The following LRRC37A2 variants were observed in gnomAD, a reference collection of about 807,000 sequenced individuals.
LRRC37A2 encodes leucine rich repeat containing 37 member A2.
LRRC37A2 carries 9 observed loss-of-function variants against 68.8 expected under a neutral mutation model. The ratio of observed to expected loss-of-function variants is 0.13; its 90% CI spans 0.08 to 0.23. The LOEUF (loss-of-function observed/expected upper bound fraction) is 0.23. Among genes scored for constraint, LRRC37A2 ranks in the 10% least tolerant of loss-of-function variants. The pLI, the probability that LRRC37A2 is intolerant of heterozygous loss-of-function variation, is 1.00. For synonymous variants in LRRC37A2, 63 were observed against 367.6 expected, an observed-to-expected ratio of 0.17 and a Z score of 9.48; for missense variants, 168 against 950.4, an observed-to-expected ratio of 0.18 and a Z score of 10.82.
the LRRC37A2 span, chr17:46,978,251 C>A: frequency 4.2e-6 from 1 of 239,816 alleles, no homozygotes; most frequent in Non-Finnish European, 7.9e-6. Flanking sequence ...TCTGACGCTT[C>A]ACATCTTCAC....
the LRRC37A2 span, among the ~76,000 whole-genome samples, chr17:46,720,334 G>T: frequency 6.6e-6 from 1 of 152,168 alleles, no homozygotes. Context: ...CTTTGGCGTA[G>T]AAAGGAGGCT....
chr17:46,810,076 G>A, the LRRC37A2 span, among the ~76,000 whole-genome samples: 13 of 146,132 alleles, frequency 8.9e-5, no homozygotes, highest in African/African-American at 3.1e-4. Context: ...GTGCAATCTC[G>A]GCTCACTGCA....
At chr17:46,850,773 C>G in the LRRC37A2 span, among the ~76,000 whole-genome samples, 8 of 152,324 alleles carry the variant, frequency 5.3e-5, no homozygotes, top group East Asian at 1.5e-3. Flanking sequence ...TGGGGCCCAA[C>G]ACTTGAAGTT....
At chr17:46,968,893 C>T in the LRRC37A2 span, 1 of 152,294 alleles carries the variant, frequency 6.6e-6, no homozygotes. Flanking sequence ...TGGGGTGCAA[C>T]CCCAAAAGCA....
At chr17:47,029,381 T>C in the LRRC37A2 span, among the ~76,000 whole-genome samples, 5 of 152,340 alleles carry the variant, frequency 3.3e-5, no homozygotes, top group South Asian at 2.1e-4. Context: ...TATGATTTCT[T>C]TGTATAACAT....
chr17:47,020,781 C>CAAAAAAAAAAAAGAAAAA, the LRRC37A2 span, among the ~76,000 whole-genome samples: 1 of 20,118 alleles, frequency 5.0e-5, no homozygotes, highest in Non-Finnish European at 7.9e-5. Flanking sequence ...GACTCCATCT[C>CAAAAAAAAAAAAGAAAAA]AAAAAAAAAA....
At chr17:46,974,583 A>T in the LRRC37A2 span, among the ~76,000 whole-genome samples, 1 of 152,026 alleles carries the variant, frequency 6.6e-6, no homozygotes, top group Non-Finnish European at 1.5e-5. Context: ...AAATACAAAA[A>T]ATTAGCTGGG....
the LRRC37A2 span, among the ~76,000 whole-genome samples, chr17:46,974,590 T>C: frequency 1.3e-5 from 2 of 151,910 alleles, no homozygotes; most frequent in African/African-American, 2.4e-5. Flanking sequence ...AAAAATTAGC[T>C]GGGCGTGGTG....
At chr17:46,863,497 A>G in the LRRC37A2 span, among the ~76,000 whole-genome samples, 1 of 152,194 alleles carries the variant, frequency 6.6e-6, no homozygotes, top group Non-Finnish European at 1.5e-5. Flanking sequence ...TGATGGTACT[A>G]TATATACAAA....
At chr17:46,545,433 CAAAATA>C (rs1482877993) in intron 8 of LRRC37A2, among the ~76,000 whole-genome samples, 17 of 101,186 alleles carry the variant, frequency 1.7e-4, no homozygotes, top group East Asian at 1.4e-3. Context: ...GCCTGGGTGA[CAAAATA>C]AAAATAAAAA....
chr17:46,747,176 A>G, the LRRC37A2 span, among the ~76,000 whole-genome samples: 1 of 152,232 alleles, frequency 6.6e-6, no homozygotes, highest in African/African-American at 2.4e-5. Flanking sequence ...CAATCACCAG[A>G]CACTTGAGGA....
At chr17:46,727,640 G>C in the LRRC37A2 span, among the ~76,000 whole-genome samples, 1 of 152,080 alleles carries the variant, frequency 6.6e-6, no homozygotes, top group African/African-American at 2.4e-5. Flanking sequence ...ATTGATAGTG[G>C]GTTTTGGGTC....
chr17:46,948,191 C>T, the LRRC37A2 span, among the ~76,000 whole-genome samples: 3 of 152,240 alleles, frequency 2.0e-5, no homozygotes, highest in African/African-American at 4.8e-5. Context: ...CACCTCTCCA[C>T]GCCTCTGTTC....
the LRRC37A2 span, among the ~76,000 whole-genome samples, chr17:46,921,419 T>G: frequency 6.6e-6 from 1 of 152,218 alleles, no homozygotes; most frequent in Non-Finnish European, 1.5e-5. Context: ...GACATAGGCA[T>G]GGGCAAGGAC....
At chr17:47,027,114 T>C in the LRRC37A2 span, among the ~76,000 whole-genome samples, 1 of 152,162 alleles carries the variant, frequency 6.6e-6, no homozygotes, top group African/African-American at 2.4e-5. Context: ...GGTTTCACCG[T>C]GTTAGCCAGG....
At chr17:46,850,490 C>T in the LRRC37A2 span, among the ~76,000 whole-genome samples, 1 of 152,194 alleles carries the variant, frequency 6.6e-6, no homozygotes, top group East Asian at 1.9e-4. Context: ...CTGGTGTCCA[C>T]TGAAAAGCCA....
At chr17:46,815,416 C>T in the LRRC37A2 span, among the ~76,000 whole-genome samples, 2 of 152,124 alleles carry the variant, frequency 1.3e-5, no homozygotes, top group African/African-American at 2.4e-5. Context: ...TGAGGGTCCG[C>T]GTGGACAGAA....
chr17:46,779,101 A>ACACACACC, the LRRC37A2 span, among the ~76,000 whole-genome samples: 5 of 139,974 alleles, frequency 3.6e-5, no homozygotes, highest in Non-Finnish European at 7.5e-5. Flanking sequence ...ACACACACAC[A>ACACACACC]CACCCCAGCC....
chr17:46,755,731 T>G, the LRRC37A2 span: 1 of 1,418,900 alleles, frequency 7.0e-7, no homozygotes, highest in East Asian at 2.4e-5. Flanking sequence ...GATTTTTTTT[T>G]TTTTTTTTTT....
Sources: allele counts gnomAD v4.1 joint callset (sites outside exome capture counted in the v4.1 genomes callset), GRCh38; gene constraint gnomAD v4.1.1; transcripts MANE v1.5; gene names NCBI Gene and HGNC (gene_info 2026-07-23, HGNC 2026-07-21).